ZBTB7C: variants seen among roughly 807,000 people sequenced by gnomAD.
ZBTB7C encodes zinc finger and BTB domain containing 7C.
ZBTB7C carries 8 observed loss-of-function variants against 25.7 expected under a neutral mutation model. The observed-to-expected ratio is 0.31, with a 90% confidence interval of 0.18 to 0.56. ZBTB7C has a LOEUF of 0.56. Ranked by LOEUF, ZBTB7C falls within the 20% of genes least tolerant of loss-of-function variation. The pLI is 0.91. For synonymous variants in ZBTB7C, 394 were observed against 369.0 expected, an observed-to-expected ratio of 1.07 and a Z score of -0.78; for missense variants, 824 against 855.2, an observed-to-expected ratio of 0.96 and a Z score of 0.46.
intron 1 of ZBTB7C, among the ~76,000 whole-genome samples, chr18:48,399,651 C>G (rs1256009340): frequency 6.6e-6 from 1 of 152,156 alleles, no homozygotes; most frequent in African/African-American, 2.4e-5. Context: ...CAGGCAAGCC[C>G]CTTTCCTGTC....
intron 2 of ZBTB7C, among the ~76,000 whole-genome samples, chr18:48,199,258 C>T (rs1421871036): frequency 2.6e-5 from 4 of 152,214 alleles, no homozygotes; most frequent in Non-Finnish European, 1.5e-5. Flanking sequence ...TGTATAACTT[C>T]TCTGATACTT....
Position 48,228,121 on chromosome 18 carries a change from G to C in ZBTB7C, c.-78-42126C>G, listed in dbSNP as rs138037924. On this transcript the variant is annotated intron_variant, in intron 2 of 4. Transcript: ENST00000590800. Reference sequence around the variant, plus strand: ...GCCATTAAGCAAGTTAGATGGGGCAGGAAGCATGCTCAATGGCATGGCTCC... The same window carrying C: ...GCCATTAAGCAAGTTAGATGGGGCACGAAGCATGCTCAATGGCATGGCTCC... 2.5e-3 allele frequency among the ~76,000 whole-genome samples: 384 copies of C among 152,292 alleles called. 2 individuals carry two copies. Among genetic ancestry groups the C allele is most frequent in the Non-Finnish European group, 2.0e-3 (138 of 68,024 alleles).
chr18:48,290,789 C>T (rs925757378), intron 2 of ZBTB7C, among the ~76,000 whole-genome samples: 3 of 152,218 alleles, frequency 2.0e-5, no homozygotes, highest in Admixed American at 2.0e-4. Flanking sequence ...GCCAGGACAG[C>T]CCGCGGAAAG....
chr18:48,364,358 C>T (rs896373527), intron 1 of ZBTB7C: 1 of 152,396 alleles, frequency 6.6e-6, no homozygotes, highest in Admixed American at 6.5e-5. Context: ...CTGGTTCACC[C>T]ATGCAGAGAG....
intron 2 of ZBTB7C, among the ~76,000 whole-genome samples, chr18:48,330,562 TATG>T (rs773837031): frequency 4.3e-4 from 65 of 151,864 alleles, no homozygotes; most frequent in Non-Finnish European, 5.1e-4. Context: ...TAAAAAGTGA[TATG>T]ATGATGATGA....
At chr18:48,098,479 G>A (rs1490355293) in intron 3 of ZBTB7C, among the ~76,000 whole-genome samples, 1 of 152,168 alleles carries the variant, frequency 6.6e-6, no homozygotes, top group Non-Finnish European at 1.5e-5. Context: ...TGTGTGGCTT[G>A]GGGAAACAGC....
rs113172861 is a variant in ZBTB7C at position 48,325,927 on chromosome 18, A to G, written c.-79+12247T>C. Among the ~76,000 whole-genome samples, 901 of 152,164 alleles carry G rather than the reference A, an allele frequency of 5.9e-3. 4 individuals are homozygous for G. Among genetic ancestry groups the G allele is most frequent in the African/African-American group, 0.021 (866 of 41,498 alleles). On this transcript the variant is annotated intron_variant, in intron 2 of 4. Coordinates refer to ENST00000590800, the MANE Select transcript of ZBTB7C (RefSeq NM_001318841.2). ...CCCATAAGTCTTCACCAAAACCACC[A>G]TAGGAAATGACAGCAAAGACTATTA...
At chr18:48,152,108 C>T (rs4940291) in intron 3 of ZBTB7C, among the ~76,000 whole-genome samples, 21,966 of 152,016 alleles carry the variant, frequency 0.14, 1,780 homozygotes, top group South Asian at 0.24. Context: ...ACCTAATCAG[C>T]CATGTGCTAC....
At chr18:48,060,227 C>T (rs1323032258) in intron 3 of ZBTB7C, among the ~76,000 whole-genome samples, 6 of 152,046 alleles carry the variant, frequency 3.9e-5, no homozygotes, top group Non-Finnish European at 8.8e-5. Context: ...TTTGTGCCAG[C>T]AGGGGAAGCA....
In ZBTB7C at chr18:48,287,460, A is replaced by G. The variant is rs557784572; in HGVS notation, c.-79+50714T>C. 1.5e-3 allele frequency among the ~76,000 whole-genome samples: 233 copies of G among 152,332 alleles called. 1 individual carries two copies. Among genetic ancestry groups the G allele is most frequent in the African/African-American group, 5.3e-3 (222 of 41,586 alleles). On this transcript the variant is annotated intron_variant, in intron 2 of 4. Coordinates refer to ENST00000590800, the MANE Select transcript of ZBTB7C (RefSeq NM_001318841.2). ...ATTTCACAGTGAAAACAAGAGGCCC[A>G]AATGGTTTCACAGGAAAGTTCTATC...
intron 3 of ZBTB7C, among the ~76,000 whole-genome samples, chr18:48,118,433 G>A (rs958815337): frequency 4.6e-5 from 7 of 152,080 alleles, no homozygotes; most frequent in African/African-American, 1.7e-4. Context: ...TACAAAAGCT[G>A]TTTTTATAGG....
intron 3 of ZBTB7C, among the ~76,000 whole-genome samples, chr18:48,142,100 C>T (rs868434415): frequency 6.6e-6 from 1 of 152,376 alleles, no homozygotes; most frequent in Middle Eastern, 3.4e-3. Flanking sequence ...AGGCTACATA[C>T]ATTTCTGCCA....
In ZBTB7C at chr18:48,040,244, C is replaced by A; in HGVS notation, c.864G>T (p.Lys288Asn). ...GCTCCTCCTTCTCCTCCTCCTTGAT[C>A]TTCCGATTCTTGATGACCAGATCCA... ...GPLDLVIKNR[K>N]IKEEEKEELP... Residue 288 changes from lysine to asparagine, a missense_variant, in exon 4 of 5, where the codon AAG becomes AAT. Lys to Asn is a moderately conservative substitution (Grantham distance 94). Coordinates refer to ENST00000590800, the MANE Select transcript of ZBTB7C (RefSeq NM_001318841.2). The A allele has an allele frequency of 6.4e-7, 1 of 1,563,132 alleles. No homozygotes were observed. Among genetic ancestry groups the A allele is most frequent in the Non-Finnish European group, 8.6e-7 (1 of 1,157,592 alleles).
At chr18:48,192,058 A>G (rs1480920892) in intron 2 of ZBTB7C, among the ~76,000 whole-genome samples, 2 of 152,254 alleles carry the variant, frequency 1.3e-5, no homozygotes, top group East Asian at 3.8e-4. Flanking sequence ...GTCCTTCAGT[A>G]GCTGAGTGGA....
chr18:48,081,654 A>T (rs1023734929), intron 3 of ZBTB7C, among the ~76,000 whole-genome samples: 19 of 151,962 alleles, frequency 1.3e-4, no homozygotes, highest in African/African-American at 4.4e-4. Context: ...CCCAATCCTC[A>T]GATCTTAACG....
intron 3 of ZBTB7C, among the ~76,000 whole-genome samples, chr18:48,052,019 G>A (rs1247149730): frequency 3.9e-5 from 6 of 152,110 alleles, no homozygotes; most frequent in South Asian, 4.1e-4. Context: ...TATTACAGGC[G>A]ATTTCCTGAG....
Position 48,246,245 on chromosome 18 carries a change from G to A in ZBTB7C, c.-78-60250C>T, listed in dbSNP as rs186820692. Among the ~76,000 whole-genome samples the A allele has an allele frequency of 5.9e-4, 89 of 152,078 alleles. No homozygotes were observed. In the Middle Eastern group the frequency reaches 0.017, roughly 29 times the overall value. ...AGGCGGGTGGATCACAAGGTCAGGA[G>A]ATGGAGATCATCCTGGCTAACACAA... On this transcript the variant is annotated intron_variant, in intron 2 of 4. Coordinates refer to ENST00000590800, the MANE Select transcript of ZBTB7C (RefSeq NM_001318841.2).
intron 2 of ZBTB7C, among the ~76,000 whole-genome samples, chr18:48,191,209 G>A (rs1231419438): frequency 2.0e-5 from 3 of 152,132 alleles, no homozygotes; most frequent in Non-Finnish European, 2.9e-5. Flanking sequence ...TGAGCACATG[G>A]CCACCCCTCA....
At chr18:48,206,518 G>A (rs1044825021) in intron 2 of ZBTB7C, among the ~76,000 whole-genome samples, 2 of 152,014 alleles carry the variant, frequency 1.3e-5, no homozygotes, top group African/African-American at 4.8e-5. Context: ...AAATTAGCTG[G>A]GCATGGTGGT....
Sources: allele counts gnomAD v4.1 joint callset (sites outside exome capture counted in the v4.1 genomes callset), GRCh38; gene constraint gnomAD v4.1.1; transcripts MANE v1.5; gene names NCBI Gene and HGNC (gene_info 2026-07-23, HGNC 2026-07-21).